UNC13B: variants seen among roughly 807,000 people sequenced by gnomAD.
UNC13B encodes the protein unc-13 homolog B.
UNC13B carries 144 observed loss-of-function variants against 211.0 expected under a neutral mutation model. The ratio of observed to expected loss-of-function variants is 0.68; its 90% CI spans 0.60 to 0.78. The LOEUF (loss-of-function observed/expected upper bound fraction) is 0.78, where lower values mean the gene tolerates loss of function less well. UNC13B is among the 30% of genes least tolerant of loss of function. The pLI is 0.00. For missense variants in UNC13B, 1,777 were observed against 2,002.0 expected (o/e 0.89, Z 2.14); for synonymous variants, 709 against 725.8 (o/e 0.98, Z 0.37).
chr9:35,201,082 T>G, intron 1 of UNC13B, among the ~76,000 whole-genome samples: 1 of 152,172 alleles, frequency 6.6e-6, no homozygotes, highest in South Asian at 2.1e-4. Flanking sequence ...TTTCTGCATC[T>G]ATTGAGATAA....
intron 5 of UNC13B, among the ~76,000 whole-genome samples, chr9:35,239,499 C>A (rs566091606): frequency 2.0e-5 from 3 of 152,148 alleles, no homozygotes; most frequent in East Asian, 3.9e-4. Flanking sequence ...AGGACTGGGG[C>A]GAAATTAAAA....
At chr9:35,340,924 G>C (rs746925958) in intron 11 of UNC13B, among the ~76,000 whole-genome samples, 13 of 152,146 alleles carry the variant, frequency 8.5e-5, no homozygotes, top group Non-Finnish European at 1.6e-4. Context: ...ATGTTGCAGT[G>C]AACAACTTGA....
chr9:35,272,635 T>G (rs1827958296), intron 7 of UNC13B, among the ~76,000 whole-genome samples: 1 of 152,216 alleles, frequency 6.6e-6, no homozygotes, highest in Admixed American at 6.5e-5. Context: ...ATAATAATTT[T>G]AAAAGGGATA....
chr9:35,295,610 C>G, intron 7 of UNC13B, 86 bp from the exon 8 acceptor site: 1 of 1,331,462 alleles, frequency 7.5e-7, no homozygotes, highest in South Asian at 1.3e-5. Context: ...AAGGTCCAGA[C>G]TTGTTACTAC....
At chr9:35,185,714 G>A (rs1398905134) in intron 1 of UNC13B, among the ~76,000 whole-genome samples, 1 of 151,136 alleles carries the variant, frequency 6.6e-6, no homozygotes, top group Non-Finnish European at 1.5e-5. Flanking sequence ...GAGGCCAGGA[G>A]TTCGAGACCA....
chr9:35,323,255 T>C (rs1830832549), intron 11 of UNC13B, among the ~76,000 whole-genome samples: 1 of 152,194 alleles, frequency 6.6e-6, no homozygotes, highest in Non-Finnish European at 1.5e-5. Flanking sequence ...ATAGAGTTCA[T>C]ACTCTATTAA....
At chr9:35,358,799 T>G (rs1046633685) in intron 11 of UNC13B, among the ~76,000 whole-genome samples, 2 of 150,830 alleles carry the variant, frequency 1.3e-5, no homozygotes, top group Non-Finnish European at 2.9e-5. Flanking sequence ...GTTCGAGCAA[T>G]TCTTCTGCCT....
intron 18 of UNC13B, 79 bp from the exon 19 acceptor site, chr9:35,381,021 C>T: frequency 7.0e-7 from 1 of 1,419,434 alleles, no homozygotes. Flanking sequence ...CCCTTCTCTT[C>T]CTTGGGTTAA....
chr9:35,166,174 G>A (rs1209281620), intron 1 of UNC13B, among the ~76,000 whole-genome samples: 2 of 152,122 alleles, frequency 1.3e-5, no homozygotes, highest in African/African-American at 4.8e-5. Context: ...TTGAGGACAT[G>A]AGTTTGAGAC....
intron 11 of UNC13B, among the ~76,000 whole-genome samples, chr9:35,340,319 T>C (rs1266076852): frequency 1.3e-5 from 2 of 152,214 alleles, no homozygotes; most frequent in Non-Finnish European, 2.9e-5. Context: ...TAGCATCTCT[T>C]GGAATCTAAA....
intron 9 of UNC13B, among the ~76,000 whole-genome samples, chr9:35,309,292 T>G (rs534619092): frequency 6.6e-6 from 1 of 152,116 alleles, no homozygotes; most frequent in African/African-American, 2.4e-5. Flanking sequence ...TATGTGTTTG[T>G]GTGTTGAACT....
intron 8 of UNC13B, among the ~76,000 whole-genome samples, chr9:35,297,830 T>C (rs1028621275): frequency 6.6e-6 from 1 of 152,006 alleles, no homozygotes; most frequent in Non-Finnish European, 1.5e-5. Flanking sequence ...ATTACAGGCG[T>C]GAGCCACCGC....
At position 35,389,860 on chromosome 9, in the gene UNC13B, T is replaced by G. The variant is rs144279601; in HGVS notation, c.11109T>G (p.Pro3703=). 6.2e-7 allele frequency: 1 copy of G among 1,613,982 alleles called. No individual in the cohort carries two copies. Among genetic ancestry groups the G allele is most frequent in the Non-Finnish European group, 8.5e-7 (1 of 1,179,992 alleles). Reference sequence around the variant, plus strand: ...TCTGGATCAAGAAGCAGGAGCTACCTCCAGAGGAACAAGGGCCCAGCATTC... The same window carrying G: ...TCTGGATCAAGAAGCAGGAGCTACCGCCAGAGGAACAAGGGCCCAGCATTC... ...SRQYQLKQEL[P]PEEQGPSIRN... The change falls in exon 25 of 40, where the codon CCT becomes CCG. Residue 3703 remains proline (P), a synonymous_variant. Coordinates refer to ENST00000635942, the MANE Select transcript of UNC13B (RefSeq NM_001371189.2).
intron 11 of UNC13B, among the ~76,000 whole-genome samples, chr9:35,349,348 A>G (rs953861452): frequency 3.8e-4 from 42 of 111,858 alleles, no homozygotes; most frequent in South Asian, 6.7e-4. Flanking sequence ...GTTGGGGAGG[A>G]AAAAAAAAAA....
intron 10 of UNC13B, among the ~76,000 whole-genome samples, chr9:35,312,529 A>G (rs1196025879): frequency 6.6e-6 from 1 of 152,216 alleles, no homozygotes; most frequent in Non-Finnish European, 1.5e-5. Flanking sequence ...AGTGCCCAGC[A>G]CAAGTCCTTG....
rs747383622 is a variant in UNC13B, at chr9:35,396,548, A to G, written c.11381A>G (p.Asn3794Ser). 1.2e-5 allele frequency: 20 copies of G among 1,614,018 alleles called. No individual in the cohort carries two copies. The East Asian group carries it at 2.5e-4, about 20-fold the overall frequency. Residue 3794 changes from asparagine to serine, a missense_variant, in exon 27 of 40, where the codon AAT becomes AGT. By Grantham distance (46) the Asn-to-Ser change is conservative. Coordinates refer to ENST00000635942, the MANE Select transcript of UNC13B (RefSeq NM_001371189.2). Reference sequence around the variant, plus strand: ...CACTTCAAGGTGAAGTGGCTCCACAATGAATACGTGCGGGATCTGCCTGTC... The same window carrying G: ...CACTTCAAGGTGAAGTGGCTCCACAGTGAATACGTGCGGGATCTGCCTGTC... ...NLHFKVKWLH[N>S]EYVRDLPVLQ...
rs368130890 is a variant in UNC13B, at chr9:35,166,508, A to T, written c.22+4203A>T. Among the ~76,000 whole-genome samples, 213 of 152,142 alleles carry T rather than the reference A, an allele frequency of 1.4e-3. 1 individual carries two copies. The highest frequency in any genetic ancestry group is 4.4e-3 in the African/African-American group (181 of 41,510). On this transcript the variant is annotated intron_variant, in intron 1 of 39. Coordinates refer to ENST00000635942, the MANE Select transcript of UNC13B (RefSeq NM_001371189.2). ...CAATACCATTGCTAACTTTTTTTTTAAATTTAATTTTTTTTTTAAAGATGG... is the reference window on the plus strand; with the variant it reads ...CAATACCATTGCTAACTTTTTTTTTTAATTTAATTTTTTTTTTAAAGATGG...
intron 7 of UNC13B, among the ~76,000 whole-genome samples, chr9:35,291,465 C>G (rs1186869758): frequency 1.3e-5 from 2 of 152,168 alleles, no homozygotes; most frequent in African/African-American, 4.8e-5. Flanking sequence ...AAGGTTCATT[C>G]TAGGATGAAC....
At chr9:35,255,906 A>G (rs918496720) in intron 6 of UNC13B, among the ~76,000 whole-genome samples, 2 of 152,132 alleles carry the variant, frequency 1.3e-5, no homozygotes, top group African/African-American at 2.4e-5. Context: ...GCTATTATCA[A>G]TTTTGTTTCA....
Sources: allele counts gnomAD v4.1 joint callset (sites outside exome capture counted in the v4.1 genomes callset), GRCh38; gene constraint gnomAD v4.1.1; transcripts MANE v1.5; gene names NCBI Gene and HGNC (gene_info 2026-07-23, HGNC 2026-07-21).